Variants in SDK1 observed in about 807,000 individuals in gnomAD.
The protein encoded by SDK1 is sidekick cell adhesion molecule 1, also known as protein sidekick-1.
Under a neutral mutation model 245.5 loss-of-function variants are expected in SDK1, and 157 were observed. The ratio of observed to expected loss-of-function variants is 0.64; its 90% confidence interval spans 0.56 to 0.73. The LOEUF (loss-of-function observed/expected upper bound fraction) is 0.73, where lower values mean the gene tolerates loss of function less well. Among genes scored for constraint, SDK1 ranks in the 30% least tolerant of loss-of-function variants. The pLI, the probability that SDK1 is intolerant of heterozygous loss-of-function variation, is 0.00. For synonymous variants in SDK1, 1,647 were observed against 1,278.5 expected (o/e 1.29, Z -6.15); for missense variants, 3,583 against 3,002.3 (o/e 1.19, Z -4.52).
chr7:3,791,969 C>CA (rs796088507), intron 4 of SDK1, among the ~76,000 whole-genome samples: 159 of 149,174 alleles, frequency 1.1e-3, no homozygotes, highest in Middle Eastern at 3.4e-3. Flanking sequence ...CCAAAAAATG[C>CA]AAAAAAAAAT....
At chr7:3,902,573 T>A (rs1781826967) in intron 5 of SDK1, among the ~76,000 whole-genome samples, 2 of 152,230 alleles carry the variant, frequency 1.3e-5, no homozygotes, top group South Asian at 4.1e-4. Flanking sequence ...ACCTATTTGA[T>A]GTATAGCTAG....
intron 1 of SDK1, among the ~76,000 whole-genome samples, chr7:3,403,856 TATATATATATATA>T (rs1415427554): frequency 1.4e-4 from 15 of 106,250 alleles, no homozygotes; most frequent in Non-Finnish European, 2.5e-4. Context: ...TATATATATA[TATATATATATATA>T]ATATATATAT....
rs138167783 is a variant in SDK1 at position 4,221,322 on chromosome 7, G to C, written c.5785G>C (p.Asp1929His). ...TLQWTEGHSG[D>H]TPTTGYVIEA... ...GCAGTGGACTGAGGGACACTCTGGCGACACACCTACCACGGGCTATGTGAT... is the reference window on the plus strand; with the variant it reads ...GCAGTGGACTGAGGGACACTCTGGCCACACACCTACCACGGGCTATGTGAT... The change falls in exon 40 of 45, where the codon GAC (aspartate) becomes CAC (histidine). Residue 1929 changes from aspartate (D) to histidine (H), a missense_variant. By Grantham distance (81) the Asp-to-His change is moderately conservative (BLOSUM62 -1). Transcript: ENST00000404826. 6.2e-7 allele frequency: 1 copy of C among 1,612,954 alleles called. No homozygotes were observed. The highest frequency in any genetic ancestry group is 1.3e-5 in the African/African-American group (1 of 74,904).
At chr7:3,639,790 A>G (rs779628245) in intron 3 of SDK1, among the ~76,000 whole-genome samples, 5 of 151,902 alleles carry the variant, frequency 3.3e-5, no homozygotes, top group Non-Finnish European at 5.9e-5. Flanking sequence ...TTATGTACAT[A>G]TGTGTATATA....
At chr7:4,055,001 C>T (rs906933188) in intron 19 of SDK1, among the ~76,000 whole-genome samples, 1 of 152,132 alleles carries the variant, frequency 6.6e-6, no homozygotes, top group African/African-American at 2.4e-5. Flanking sequence ...ACTTTGCTAG[C>T]ACTTGGCGAA....
At chr7:4,018,852 G>T (rs563468595) in intron 17 of SDK1, among the ~76,000 whole-genome samples, 1 of 152,314 alleles carries the variant, frequency 6.6e-6, no homozygotes, top group East Asian at 1.9e-4. Context: ...TGCAGGGAAT[G>T]TAGGAGGCGG....
chr7:3,747,387 T>A lies in SDK1; in HGVS notation c.714-74063T>A, dbSNP rs568895301. ...TTGTGCTATTTTCTTGCAATATTTA[T>A]TGAAGGCATTCAAAGTGTATGTAAC... On this transcript the variant is annotated intron_variant, in intron 4 of 44. Transcript: ENST00000404826. Among the ~76,000 whole-genome samples the A allele has an allele frequency of 3.9e-4, 60 of 152,130 alleles. 2 individuals carry two copies. In the South Asian group the frequency reaches 0.011, roughly 28 times the overall value.
intron 4 of SDK1, among the ~76,000 whole-genome samples, chr7:3,746,248 A>G (rs796539970): frequency 5.7e-4 from 87 of 152,348 alleles, no homozygotes; most frequent in African/African-American, 2.0e-3. Context: ...CCTTAATTCA[A>G]AAATACTTTA....
chr7:3,789,395 G>A (rs1488045660), intron 4 of SDK1, among the ~76,000 whole-genome samples: 4 of 152,172 alleles, frequency 2.6e-5, no homozygotes, highest in Admixed American at 6.5e-5. Context: ...TGATCCACTC[G>A]CCTCAGCCTC....
At chr7:3,859,540 C>G (rs1328044812) in intron 5 of SDK1, among the ~76,000 whole-genome samples, 1 of 152,136 alleles carries the variant, frequency 6.6e-6, no homozygotes, top group Non-Finnish European at 1.5e-5. Context: ...CTACCATTCT[C>G]AGCATTGGCT....
chr7:3,925,186 A>T (rs1361636093), intron 5 of SDK1, among the ~76,000 whole-genome samples: 1 of 152,132 alleles, frequency 6.6e-6, no homozygotes, highest in Non-Finnish European at 1.5e-5. Flanking sequence ...GAAGCCCCAG[A>T]TGGCACCCCC....
chr7:3,542,878 T>G (rs1055025722), intron 1 of SDK1, among the ~76,000 whole-genome samples: 1 of 152,224 alleles, frequency 6.6e-6, no homozygotes, highest in South Asian at 2.1e-4. Context: ...TTGATTTACC[T>G]TCGCTTTAGA....
chr7:3,957,345 T>C (rs1297783689), intron 7 of SDK1, among the ~76,000 whole-genome samples: 2 of 152,198 alleles, frequency 1.3e-5, no homozygotes, highest in Non-Finnish European at 2.9e-5. Context: ...TCAGTAGCAG[T>C]ATCCTGATCA....
At chr7:3,789,394 C>T (rs1244925690) in intron 4 of SDK1, among the ~76,000 whole-genome samples, 5 of 152,304 alleles carry the variant, frequency 3.3e-5, no homozygotes, top group South Asian at 4.1e-4. Context: ...GTGATCCACT[C>T]GCCTCAGCCT....
chr7:3,675,184 T>C (rs905333411), intron 4 of SDK1, among the ~76,000 whole-genome samples: 1 of 152,192 alleles, frequency 6.6e-6, no homozygotes, highest in African/African-American at 2.4e-5. Flanking sequence ...CATGGCAGCT[T>C]TATCTTTCAA....
chr7:3,440,971 G>C (rs1780177422), intron 1 of SDK1, among the ~76,000 whole-genome samples: 2 of 152,158 alleles, frequency 1.3e-5, no homozygotes, highest in South Asian at 4.1e-4. Flanking sequence ...GTTACACCAA[G>C]TGAGGGATAG....
intron 19 of SDK1, among the ~76,000 whole-genome samples, chr7:4,061,775 A>G (rs1779555779): frequency 6.6e-6 from 1 of 152,106 alleles, no homozygotes; most frequent in Non-Finnish European, 1.5e-5. Context: ...AATGTGGCAC[A>G]TATACACCAT....
chr7:3,394,374 C>T (rs1039747103), intron 1 of SDK1, among the ~76,000 whole-genome samples: 19 of 152,118 alleles, frequency 1.2e-4, no homozygotes, highest in South Asian at 4.2e-4. Flanking sequence ...TTGCTGGATT[C>T]GTAATTATGT....
intron 5 of SDK1, among the ~76,000 whole-genome samples, chr7:3,938,989 T>C (rs1454499959): frequency 1.3e-5 from 2 of 152,238 alleles, no homozygotes; most frequent in African/African-American, 4.8e-5. Context: ...GTCATTTTAT[T>C]TATCGTCTCT....
Sources: gnomAD v4.1 joint callset for allele counts (sites outside exome capture counted in the v4.1 genomes callset) on GRCh38, gnomAD v4.1.1 for gene constraint, MANE v1.5 for transcripts, NCBI Gene and HGNC (gene_info 2026-07-23, HGNC 2026-07-21) for gene names.